Variants in NCKAP1L observed in about 807,000 individuals in gnomAD.
The protein encoded by NCKAP1L is nck-associated protein 1-like.
Under a neutral mutation model 139.2 loss-of-function variants are expected in NCKAP1L, and 53 were observed. That is an observed-to-expected ratio of 0.38 (90% CI 0.31 to 0.48). NCKAP1L has a LOEUF of 0.48. NCKAP1L is among the 20% of genes least tolerant of loss of function. The pLI, the probability that NCKAP1L is intolerant of heterozygous loss-of-function variation, is 0.98. For missense variants in NCKAP1L, 1,151 were observed against 1,381.9 expected, an observed-to-expected ratio of 0.83 and a Z score of 2.65; for synonymous variants, 468 against 499.7, an observed-to-expected ratio of 0.94 and a Z score of 0.85.
At chr12:54,503,786 G>A (rs1249385) in intron 3 of NCKAP1L, among the ~76,000 whole-genome samples, 137,210 of 151,774 alleles carry the variant, frequency 0.9, 62,221 homozygotes, top group East Asian at 1. Context: ...TTACAGGCAC[G>A]TGCCACCACG....
chr12:54,500,736 G>A, intron 3 of NCKAP1L, 111 bp downstream of exon 3: 2 of 724,614 alleles, frequency 2.8e-6, no homozygotes, highest in Non-Finnish European at 2.4e-6. Flanking sequence ...TGAGAGAGAT[G>A]TACTAATATG....
At chr12:54,524,021 TGTA>T (rs1957007843) in intron 20 of NCKAP1L, 65 bp downstream of exon 20, 2 of 1,513,214 alleles carry the variant, frequency 1.3e-6, no homozygotes, top group African/African-American at 2.7e-5. Flanking sequence ...TACCTCTATG[TGTA>T]GTATGGTGGT....
intron 28 of NCKAP1L, chr12:54,536,642 G>A (rs79999409): frequency 0.011 from 3,518 of 325,472 alleles, 28 homozygotes; most frequent in Middle Eastern, 0.029. Flanking sequence ...TAGTGACAGA[G>A]CAAGACCCTG....
chr12:54,500,123 T>G (rs912462653), intron 2 of NCKAP1L, among the ~76,000 whole-genome samples: 2 of 23,682 alleles, frequency 8.4e-5, no homozygotes, highest in South Asian at 7.9e-3. Flanking sequence ...TTTCTTTTCT[T>G]TTCTTTTTTT....
intron 13 of NCKAP1L, 101 bp downstream of exon 13, chr12:54,518,039 G>A: frequency 7.0e-7 from 1 of 1,429,736 alleles, no homozygotes; most frequent in East Asian, 2.3e-5. Context: ...TGTAAGTTGG[G>A]TGTCAAAAGG....
intron 21 of NCKAP1L, among the ~76,000 whole-genome samples, chr12:54,526,976 G>A (rs1267164521): frequency 6.6e-6 from 1 of 152,104 alleles, no homozygotes. Flanking sequence ...AGCCTACCCT[G>A]CAGTTATTTG....
At position 54,499,447 on chromosome 12, in the gene NCKAP1L, A is replaced by G. The variant is rs1956779108; in HGVS notation, c.195A>G (p.Ile65Met). The G allele has an allele frequency of 1.3e-6, 2 of 1,590,132 alleles. No homozygotes were observed. The highest frequency in any genetic ancestry group is 1.7e-6 in the Non-Finnish European group (2 of 1,158,248). ...LKYINKKFPN[I>M]DVRNSTQHLG... Reference sequence around the variant, plus strand: ...ATATCAACAAGAAATTTCCCAACATAGATGTCCGAAACAGCACGGTGAGAA... The same window carrying G: ...ATATCAACAAGAAATTTCCCAACATGGATGTCCGAAACAGCACGGTGAGAA... The change falls in exon 2 of 31, where the codon ATA becomes ATG. Residue 65 changes from isoleucine (I) to methionine (M), a missense_variant. Transcript: ENST00000293373.
rs1359278616 is a variant in NCKAP1L at position 54,517,640 on chromosome 12, C to T, written c.1203C>T (p.Asp401=). The change falls in exon 12 of 31, where the codon GAC becomes GAT. Residue 401 remains aspartate, a splice_region_variant and synonymous_variant. Coordinates refer to ENST00000293373, the MANE Select transcript of NCKAP1L (RefSeq NM_005337.5). The part of the protein sequence containing the change: ...TKTKTPEDYA[D]SSIAELLFLL... ...CAAAGACACCTGAGGACTATGCTGA[C>T]TCGTTAGTACTTGACATGGCTAAGA... 4 of 1,608,848 alleles carry T rather than the reference C, an allele frequency of 2.5e-6. No homozygotes were observed. Among genetic ancestry groups the T allele is most frequent in the Non-Finnish European group, 3.4e-6 (4 of 1,175,270 alleles).
chr12:54,523,783 G>T (rs768816802), intron 19 of NCKAP1L, 42 bp from the exon 20 acceptor site: 5 of 1,592,898 alleles, frequency 3.1e-6, no homozygotes, highest in Admixed American at 3.4e-5. Context: ...GACATTAGCA[G>T]GCAGTGCCAG....
At chr12:54,512,305 G>A (rs1456726429) in intron 9 of NCKAP1L, 200 bp downstream of exon 9, 2 of 467,440 alleles carry the variant, frequency 4.3e-6, no homozygotes, top group Non-Finnish European at 3.8e-6. Flanking sequence ...AGACAACATG[G>A]AGGTTAAGAG....
At chr12:54,521,620 C>T (rs1041231115) in intron 18 of NCKAP1L, among the ~76,000 whole-genome samples, 1 of 152,186 alleles carries the variant, frequency 6.6e-6, no homozygotes, top group African/African-American at 2.4e-5. Context: ...TTCTGTCTAT[C>T]TGCATCTTAA....
intron 26 of NCKAP1L, among the ~76,000 whole-genome samples, chr12:54,532,787 A>G (rs1957083279): frequency 1.3e-5 from 2 of 152,122 alleles, no homozygotes; most frequent in African/African-American, 4.8e-5. Context: ...GCTTCCACAG[A>G]CAATATAAGT....
Position 54,509,783 on chromosome 12 carries a change from T to C in NCKAP1L, c.597+24T>C, listed in dbSNP as rs1420105230. On this transcript the variant is annotated intron_variant, in intron 6 of 30. Coordinates refer to ENST00000293373, the MANE Select transcript of NCKAP1L (RefSeq NM_005337.5). ...AGGCAAGTTCCCTGACAATGGAGAATTCCTCAGGCAAAAGTATATTGTCCT... is the reference window on the plus strand; with the variant it reads ...AGGCAAGTTCCCTGACAATGGAGAACTCCTCAGGCAAAAGTATATTGTCCT... The C allele has an allele frequency of 3.1e-6, 5 of 1,614,038 alleles. No individual in the cohort carries two copies. In the African/African-American group the frequency reaches 6.7e-5, roughly 22 times the overall value.
chr12:54,535,024 A>G (rs1480128030), intron 26 of NCKAP1L, 80 bp from the exon 27 acceptor site: 3 of 1,115,510 alleles, frequency 2.7e-6, no homozygotes, highest in African/African-American at 1.6e-5. Flanking sequence ...CTGTGATCCA[A>G]AAGTCCTGGC....
intron 28 of NCKAP1L, 163 bp downstream of exon 28, chr12:54,536,408 C>A: frequency 1.8e-6 from 1 of 551,638 alleles, no homozygotes; most frequent in Non-Finnish European, 3.3e-6. Context: ...GCCTGTAATC[C>A]TAGCACTTTG....
At chr12:54,507,535 C>T (rs1000866303) in intron 3 of NCKAP1L, among the ~76,000 whole-genome samples, 1 of 152,166 alleles carries the variant, frequency 6.6e-6, no homozygotes, top group Admixed American at 6.5e-5. Flanking sequence ...TTGAAGCTAC[C>T]TATTAGATAA....
intron 10 of NCKAP1L, 140 bp downstream of exon 10, chr12:54,516,435 TTTTTC>T (rs1238003097): frequency 2.1e-5 from 16 of 763,264 alleles, no homozygotes; most frequent in Admixed American, 5.5e-5. Flanking sequence ...CATAAATTCT[TTTTTC>T]TTTTCTTTTC....
intron 3 of NCKAP1L, among the ~76,000 whole-genome samples, chr12:54,501,822 T>A (rs1222332898): frequency 6.6e-6 from 1 of 152,226 alleles, no homozygotes; most frequent in Non-Finnish European, 1.5e-5. Context: ...TATACTGTTT[T>A]CCACAGTGGC....
chr12:54,522,324 C>G (rs1956990445), intron 18 of NCKAP1L, among the ~76,000 whole-genome samples: 2 of 152,196 alleles, frequency 1.3e-5, no homozygotes. Context: ...GATCATCAGT[C>G]AATATGAATA....
Sources: gnomAD v4.1 joint callset for allele counts (sites outside exome capture counted in the v4.1 genomes callset) on GRCh38, gnomAD v4.1.1 for gene constraint, MANE v1.5 for transcripts, NCBI Gene and HGNC (gene_info 2026-07-23, HGNC 2026-07-21) for gene names.